Variants in WDR70 observed in about 807,000 individuals in gnomAD.
The protein encoded by WDR70 is WD repeat-containing protein 70.
Under a neutral mutation model 88.6 loss-of-function variants are expected in WDR70, and 53 were observed. That is an observed-to-expected ratio of 0.60 (90% CI 0.48 to 0.75). The LOEUF (loss-of-function observed/expected upper bound fraction) is 0.75. Ranked by LOEUF, WDR70 falls within the 30% of genes least tolerant of loss-of-function variation. The pLI, the probability that WDR70 is intolerant of heterozygous loss-of-function variation, is 0.00. For missense variants in WDR70, 610 were observed against 823.2 expected, an observed-to-expected ratio of 0.74 and a Z score of 3.17; for synonymous variants, 280 against 270.0, an observed-to-expected ratio of 1.04 and a Z score of -0.36.
intron 10 of WDR70, among the ~76,000 whole-genome samples, chr5:37,651,194 T>C (rs1005720184): frequency 2.0e-5 from 3 of 152,078 alleles, no homozygotes; most frequent in African/African-American, 7.2e-5. Context: ...CTCCCACTTA[T>C]CAGTGAGAAC....
chr5:37,407,887 G>T (rs1454924268), intron 5 of WDR70, among the ~76,000 whole-genome samples: 1 of 152,088 alleles, frequency 6.6e-6, no homozygotes, highest in African/African-American at 2.4e-5. Flanking sequence ...ATACTTAGAA[G>T]CCTGTGGAAT....
chr5:37,741,292 G>T (rs1303030862), intron 17 of WDR70, among the ~76,000 whole-genome samples: 1 of 148,972 alleles, frequency 6.7e-6, no homozygotes, highest in Admixed American at 6.7e-5. Flanking sequence ...GAATAAACAT[G>T]AGATAAAACT....
chr5:37,747,762 C>T (rs1375687143), intron 17 of WDR70, among the ~76,000 whole-genome samples: 1 of 152,188 alleles, frequency 6.6e-6, no homozygotes, highest in Non-Finnish European at 1.5e-5. Flanking sequence ...CTAAAAACTT[C>T]TTGAACTGAT....
chr5:37,720,524 AG>A (rs1214292165), intron 13 of WDR70, among the ~76,000 whole-genome samples: 1 of 152,194 alleles, frequency 6.6e-6, no homozygotes. Context: ...TCTCTTAAAC[AG>A]CTTTTCATTT....
At position 37,407,767 on chromosome 5, in the gene WDR70, G is replaced by A. The variant is rs960988488; in HGVS notation, c.492+11197G>A. Among the ~76,000 whole-genome samples, 14 of 151,802 alleles carry A rather than the reference G, an allele frequency of 9.2e-5. No individual in the cohort carries two copies. The South Asian group carries it at 1.5e-3, about 16-fold the overall frequency. On this transcript the variant is annotated intron_variant, in intron 5 of 17. Transcript: ENST00000265107. ...TGGTTTCAAACTTCTGGCCTTACGA[G>A]ATCCTCCTGCCTTGGCCTCCCCAAG...
chr5:37,421,263 G>C (rs1402795136), intron 5 of WDR70, among the ~76,000 whole-genome samples: 1 of 152,116 alleles, frequency 6.6e-6, no homozygotes, highest in Non-Finnish European at 1.5e-5. Flanking sequence ...GGGTCATCTC[G>C]AATCTCTCCT....
chr5:37,657,697 T>A (rs1300497261), intron 10 of WDR70, among the ~76,000 whole-genome samples: 1 of 152,224 alleles, frequency 6.6e-6, no homozygotes, highest in African/African-American at 2.4e-5. Flanking sequence ...TTAGTCTTTG[T>A]CACTGAATCA....
chr5:37,489,838 A>T (rs1740011456), intron 8 of WDR70, among the ~76,000 whole-genome samples: 2 of 151,822 alleles, frequency 1.3e-5, no homozygotes, highest in African/African-American at 4.8e-5. Flanking sequence ...GTACATGTGC[A>T]CAATGTGCAG....
At chr5:37,622,030 G>C (rs898660464) in intron 10 of WDR70, among the ~76,000 whole-genome samples, 1 of 152,176 alleles carries the variant, frequency 6.6e-6, no homozygotes, top group Non-Finnish European at 1.5e-5. Flanking sequence ...TCAAAGATCA[G>C]ATGGTTGTAG....
At chr5:37,706,018 CAGA>C (rs1747311903) in intron 13 of WDR70, among the ~76,000 whole-genome samples, 1 of 152,182 alleles carries the variant, frequency 6.6e-6, no homozygotes. Context: ...TGTTTTCAGT[CAGA>C]AGATGTTAAC....
intron 9 of WDR70, among the ~76,000 whole-genome samples, chr5:37,565,388 CTCT>C (rs1280365686): frequency 6.6e-6 from 1 of 151,938 alleles, no homozygotes; most frequent in Non-Finnish European, 1.5e-5. Flanking sequence ...CTTTTTTCTT[CTCT>C]TCTTTTTTGC....
chr5:37,441,075 T>G (rs1413707975), intron 6 of WDR70, among the ~76,000 whole-genome samples: 1 of 152,222 alleles, frequency 6.6e-6, no homozygotes, highest in Non-Finnish European at 1.5e-5. Context: ...AATTTTATAT[T>G]GTGTTGTAGT....
intron 8 of WDR70, among the ~76,000 whole-genome samples, chr5:37,510,273 A>G (rs771318016): frequency 4.0e-5 from 6 of 151,818 alleles, no homozygotes; most frequent in African/African-American, 1.5e-4. Flanking sequence ...TCCTCCCTCA[A>G]CTAACACAAA....
At chr5:37,533,319 G>C (rs1262240908) in intron 9 of WDR70, among the ~76,000 whole-genome samples, 1 of 152,180 alleles carries the variant, frequency 6.6e-6, no homozygotes, top group Non-Finnish European at 1.5e-5. Flanking sequence ...CTACGGGCTG[G>C]GCACAGTGTC....
chr5:37,719,884 C>T (rs1426371819), intron 13 of WDR70, among the ~76,000 whole-genome samples: 1 of 148,976 alleles, frequency 6.7e-6, no homozygotes, highest in African/African-American at 2.5e-5. Context: ...ACTCTGTCAC[C>T]CAGGCTGGAA....
intron 7 of WDR70, among the ~76,000 whole-genome samples, chr5:37,466,618 A>G (rs1238630965): frequency 3.6e-5 from 5 of 140,448 alleles, no homozygotes; most frequent in Non-Finnish European, 7.6e-5. Flanking sequence ...AGGCAGGAGA[A>G]TGGCGTGAAC....
intron 7 of WDR70, 108 bp from the exon 8 acceptor site, chr5:37,479,726 T>A (rs979027341): frequency 7.7e-7 from 1 of 1,294,926 alleles, no homozygotes. Context: ...TGTGGAATTA[T>A]CAATTTGTCC....
Position 37,698,002 on chromosome 5 carries a change from C to T in WDR70, c.1192+248C>T, listed in dbSNP as rs1747033462. ...AAGTTTTTCATTTAGATTCAAATTCCATAAGAGTTTGAAGCCTCCACAAAT... is the reference window on the plus strand; with the variant it reads ...AAGTTTTTCATTTAGATTCAAATTCTATAAGAGTTTGAAGCCTCCACAAAT... On this transcript the variant is annotated intron_variant, in intron 11 of 17. Transcript: ENST00000265107. 8.5e-6 allele frequency: 3 copies of T among 354,826 alleles called. No individual in the cohort carries two copies. In the South Asian group the frequency reaches 1.0e-4, roughly 12 times the overall value. The allele number at this position is 354,826 out of a possible 1,614,324, so 22.0% of individuals were successfully genotyped here.
intron 9 of WDR70, among the ~76,000 whole-genome samples, chr5:37,543,749 A>C (rs1207536525): frequency 6.6e-6 from 1 of 152,048 alleles, no homozygotes; most frequent in East Asian, 1.9e-4. Context: ...TAAAGATTAT[A>C]GTTTGTTGCA....
Sources: gnomAD v4.1 joint callset for allele counts (sites outside exome capture counted in the v4.1 genomes callset) on GRCh38, gnomAD v4.1.1 for gene constraint, MANE v1.5 for transcripts, NCBI Gene and HGNC (gene_info 2026-07-23, HGNC 2026-07-21) for gene names.